Variants in PRDM2 observed in about 807,000 individuals in gnomAD.
The protein encoded by PRDM2 is PR domain zinc finger protein 2.
A neutral mutation model predicts 130.0 loss-of-function variants in PRDM2; 30 were observed. The observed-to-expected ratio is 0.23, with a 90% CI of 0.17 to 0.31. The LOEUF is 0.31. Ranked by LOEUF, PRDM2 falls within the 10% of genes least tolerant of loss-of-function variation. PRDM2 has a pLI of 1.00. For missense variants in PRDM2, 2,011 were observed against 2,108.4 expected, an observed-to-expected ratio of 0.95 and a Z score of 0.90; for synonymous variants, 871 against 782.4, an observed-to-expected ratio of 1.11 and a Z score of -1.89.
intron 8 of PRDM2, among the ~76,000 whole-genome samples, chr1:13,810,386 C>G (rs538061405): frequency 6.6e-6 from 1 of 152,290 alleles, no homozygotes; most frequent in South Asian, 2.1e-4. Flanking sequence ...ATTCATTTTG[C>G]TGCTTCTGAT....
At chr1:13,743,541 CT>C (rs76473089) in intron 5 of PRDM2, among the ~76,000 whole-genome samples, 2,818 of 151,858 alleles carry the variant, frequency 0.019, 79 homozygotes, top group East Asian at 0.12. Flanking sequence ...GCAAGTTTCT[CT>C]TTATTCACTT....
At chr1:13,758,940 T>A (rs1644030412) in intron 6 of PRDM2, among the ~76,000 whole-genome samples, 1 of 152,172 alleles carries the variant, frequency 6.6e-6, no homozygotes, top group South Asian at 2.1e-4. Context: ...AAAATAACAG[T>A]TTATAAGATA....
At chr1:13,718,296 G>A (rs912045996) in intron 2 of PRDM2, among the ~76,000 whole-genome samples, 2 of 152,116 alleles carry the variant, frequency 1.3e-5, no homozygotes, top group Admixed American at 1.3e-4. Flanking sequence ...TCTTATGATG[G>A]GTATGGTCTC....
At chr1:13,770,593 CCTT>C (rs774479807) in intron 6 of PRDM2, among the ~76,000 whole-genome samples, 1 of 151,876 alleles carries the variant, frequency 6.6e-6, no homozygotes, top group African/African-American at 2.4e-5. Context: ...ACACTGTGGC[CCTT>C]CTTTAAATGT....
intron 2 of PRDM2, among the ~76,000 whole-genome samples, chr1:13,719,642 A>G (rs1003197363): frequency 1.3e-5 from 2 of 152,184 alleles, no homozygotes; most frequent in Non-Finnish European, 1.5e-5. Context: ...TGTATTTCAG[A>G]ACTAATTTGA....
At position 13,778,972 on chromosome 1, in the gene PRDM2, A is replaced by G. The variant is rs1238199964; in HGVS notation, c.1177A>G (p.Lys393Glu). 1 of 1,614,222 alleles carries G rather than the reference A, an allele frequency of 6.2e-7. No homozygotes were observed. Reference protein sequence around the residue: ...ISTVNHAFKCKYCGKAFGTQI... With the variant: ...ISTVNHAFKCEYCGKAFGTQI... ...CACCGTCAATCATGCTTTCAAATGC[A>G]AGTACTGTGGGAAAGCCTTTGGCAC... The change falls in exon 8 of 10, where the codon AAG becomes GAG. Residue 393 changes from lysine (K) to glutamate (E), a missense_variant. Lys to Glu is a moderately conservative substitution (Grantham distance 56). Transcript: ENST00000311066.
chr1:13,716,026 A>G (rs1253650912), intron 2 of PRDM2, among the ~76,000 whole-genome samples: 2 of 152,336 alleles, frequency 1.3e-5, no homozygotes, highest in Admixed American at 6.5e-5. Context: ...ATTATTCACA[A>G]TAGCAAAGAC....
chr1:13,793,220 G>A (rs1217478238), intron 8 of PRDM2, among the ~76,000 whole-genome samples: 1 of 152,236 alleles, frequency 6.6e-6, no homozygotes, highest in Non-Finnish European at 1.5e-5. Flanking sequence ...TGGCCTGTAG[G>A]GGAGCTCTGT....
At chr1:13,769,620 C>G (rs954702839) in intron 6 of PRDM2, among the ~76,000 whole-genome samples, 1 of 152,100 alleles carries the variant, frequency 6.6e-6, no homozygotes, top group African/African-American at 2.4e-5. Flanking sequence ...GAACATTGTT[C>G]CAGGTGTCAG....
chr1:13,770,443 T>C (rs1398670891), intron 6 of PRDM2: 1 of 316,020 alleles, frequency 3.2e-6, no homozygotes, highest in Non-Finnish European at 6.4e-6. Flanking sequence ...TATTTACATG[T>C]AGAACAGTGT....
rs780628964 is a variant in PRDM2 at position 13,782,405 on chromosome 1, G to A, written c.4610G>A (p.Arg1537His). 15 of 1,613,674 alleles carry A rather than the reference G, an allele frequency of 9.3e-6. No homozygotes were observed. Among genetic ancestry groups the A allele is most frequent in the Admixed American group, 3.3e-5 (2 of 59,922 alleles). ...MQTPLGKTRA[R>H]SSGPTQVPLP... Reference sequence around the variant, plus strand: ...ACTCCGTTGGGCAAGACCAGAGCCCGCAGCTCAGGCCCCACCCAAGTCCCA... The same window carrying A: ...ACTCCGTTGGGCAAGACCAGAGCCCACAGCTCAGGCCCCACCCAAGTCCCA... Residue 1537 changes from arginine (R) to histidine (H), a missense_variant, in exon 8 of 10, where the codon CGC becomes CAC. Physicochemically the swap from Arg to His is conservative, Grantham distance 29 (BLOSUM62 0). Around this residue, in one of 5 missense-constraint regions of PRDM2, gnomAD observed 410 missense variants for 395.9 expected, o/e 1.04. Coordinates refer to ENST00000311066, the MANE Select transcript of PRDM2 (RefSeq NM_001393986.1).
At position 13,781,479 on chromosome 1, in the gene PRDM2, T is replaced by C. The variant is rs1237038687; in HGVS notation, c.3684T>C (p.Thr1228=). The C allele has an allele frequency of 1.2e-6, 2 of 1,613,492 alleles. No individual in the cohort carries two copies. The highest frequency in any genetic ancestry group is 2.2e-5 in the East Asian group (1 of 44,886). Residue 1228 remains threonine, a synonymous_variant, in exon 8 of 10, where the codon ACT becomes ACC. Transcript: ENST00000311066. The surrounding 1 kb of genome is among the most constrained non-coding windows in gnomAD (Gnocchi z 6.1). ...CACATCACGAGTTTGAAAGCGGGACTCTGAGGCCCCAGAACTTTACAGATC... is the reference window on the plus strand; with the variant it reads ...CACATCACGAGTTTGAAAGCGGGACCCTGAGGCCCCAGAACTTTACAGATC... ...VCTHHEFESG[T]LRPQNFTDPS...
At position 13,782,725 on chromosome 1, in the gene PRDM2, C is replaced by T. The variant is rs748682994; in HGVS notation, c.4930C>T (p.Arg1644Trp). The change falls in exon 8 of 10, where the codon CGG becomes TGG. Residue 1644 changes from arginine (R) to tryptophan (W), a missense_variant. Physicochemically the swap from Arg to Trp is moderately radical, Grantham distance 101. This residue lies in a region of PRDM2 where 410 missense variants were observed against 395.9 expected (regional missense o/e 1.04). Transcript: ENST00000311066. ...TDRFNIKSRE[R>W]SGGPVTRSLQ... The stretch of plus-strand genomic sequence containing the variant: ...CCGGTTCAATATAAAATCTAGAGAG[C>T]GGAGTGGGGGGCCAGTCACCCGGAG... 6.8e-6 allele frequency: 11 copies of T among 1,613,660 alleles called. No homozygotes were observed. The highest frequency in any genetic ancestry group is 3.3e-5 in the South Asian group (3 of 91,030).
intron 8 of PRDM2, among the ~76,000 whole-genome samples, chr1:13,798,828 T>C (rs1317365879): frequency 6.6e-6 from 1 of 152,208 alleles, no homozygotes; most frequent in African/African-American, 2.4e-5. Flanking sequence ...TGGATGACTT[T>C]CCTTGCACAT....
At chr1:13,719,662 T>G (rs1021259053) in intron 2 of PRDM2, among the ~76,000 whole-genome samples, 1 of 152,236 alleles carries the variant, frequency 6.6e-6, no homozygotes, top group Non-Finnish European at 1.5e-5. Flanking sequence ...ACTCCTGTTC[T>G]TTTTAAAAAA....
intron 1 of PRDM2, among the ~76,000 whole-genome samples, chr1:13,713,761 G>C (rs979091454): frequency 6.6e-6 from 1 of 152,150 alleles, no homozygotes; most frequent in African/African-American, 2.4e-5. Context: ...AAGGTGTCAC[G>C]CAGGGCCACC....
chr1:13,812,539 G>A (rs1165738547), intron 8 of PRDM2, among the ~76,000 whole-genome samples: 1 of 152,212 alleles, frequency 6.6e-6, no homozygotes, highest in Non-Finnish European at 1.5e-5. Flanking sequence ...TGTGGCTGGA[G>A]CCTGGTAGGG....
At chr1:13,786,471 G>T (rs765419195) in intron 8 of PRDM2, 1 of 1,602,408 alleles carries the variant, frequency 6.2e-7, no homozygotes, top group South Asian at 1.1e-5. Flanking sequence ...ATCATGTAAG[G>T]TTATGTTCTG....
chr1:13,822,662 G>A (rs1645371951), intron 9 of PRDM2, among the ~76,000 whole-genome samples: 2 of 152,020 alleles, frequency 1.3e-5, no homozygotes, highest in Non-Finnish European at 2.9e-5. Context: ...AAAGTGCTGG[G>A]ATTACAGTCG....
Sources: gnomAD v4.1 joint callset for allele counts (sites outside exome capture counted in the v4.1 genomes callset) on GRCh38, gnomAD v4.1.1 for gene constraint, gnomAD v4.1.1 regional missense constraint, Gnocchi (gnomAD v3.1) non-coding constraint, MANE v1.5 for transcripts, NCBI Gene and HGNC (gene_info 2026-07-23, HGNC 2026-07-21) for gene names.